MSRA: variants seen among roughly 807,000 people sequenced by gnomAD.
MSRA encodes the protein mitochondrial peptide methionine sulfoxide reductase.
Under a neutral mutation model 31.3 loss-of-function variants are expected in MSRA, and 54 were observed. The observed-to-expected ratio is 1.73, with a 90% CI of 1.39 to 2.17. MSRA has a LOEUF of 2.17. MSRA is among the 30% of genes most tolerant of loss of function. The probability of loss-of-function intolerance (pLI) is 0.00; values close to 1 mark genes in which losing one functional copy is unlikely to be tolerated. For missense variants in MSRA, 507 were observed against 300.9 expected, an observed-to-expected ratio of 1.69 and a Z score of -5.07; for synonymous variants, 169 against 116.5, an observed-to-expected ratio of 1.45 and a Z score of -2.90.
chr8:10,338,481 C>A (rs909388268), intron 5 of MSRA, among the ~76,000 whole-genome samples: 1 of 152,030 alleles, frequency 6.6e-6, no homozygotes, highest in African/African-American at 2.4e-5. Context: ...TAACTAAGAG[C>A]ACATTTAACA....
At chr8:10,384,662 T>A (rs1806275810) in intron 5 of MSRA, among the ~76,000 whole-genome samples, 1 of 152,174 alleles carries the variant, frequency 6.6e-6, no homozygotes. Context: ...CTGAGAACTG[T>A]TGCACTAGCG....
chr8:10,408,373 C>T (rs1807950693), intron 5 of MSRA, among the ~76,000 whole-genome samples: 2 of 152,020 alleles, frequency 1.3e-5, no homozygotes, highest in African/African-American at 4.8e-5. Flanking sequence ...CCTGTCTCTA[C>T]CAAAATTTTT....
Position 10,290,002 on chromosome 8 carries a change from C to T in MSRA, c.332-11532C>T, listed in dbSNP as rs185557681. Among the ~76,000 whole-genome samples, 8 of 152,342 alleles carry T rather than the reference C, an allele frequency of 5.3e-5. No homozygotes were observed. In the East Asian group the frequency reaches 1.5e-3, roughly 29 times the overall value. On this transcript the variant is annotated intron_variant, in intron 3 of 5. Transcript: ENST00000317173. ...TATGTCTGTTATTGCTCTTAACCAT[C>T]TTCTAAGATTGATAGGACAGATATT...
intron 1 of MSRA, among the ~76,000 whole-genome samples, chr8:10,146,747 C>G (rs897401284): frequency 5.3e-5 from 8 of 152,144 alleles, no homozygotes; most frequent in African/African-American, 1.4e-4. Flanking sequence ...TGAAATCACA[C>G]TTTCTGGGCG....
At chr8:10,148,015 C>T (rs982503084) in intron 1 of MSRA, among the ~76,000 whole-genome samples, 1 of 152,222 alleles carries the variant, frequency 6.6e-6, no homozygotes, top group Non-Finnish European at 1.5e-5. Flanking sequence ...CACTTGGCCA[C>T]AGTCCAAAGT....
At chr8:10,319,817 G>T in intron 4 of MSRA, 66 bp from the exon 5 acceptor site, 1 of 888,538 alleles carries the variant, frequency 1.1e-6, no homozygotes, top group Non-Finnish European at 1.6e-6. Context: ...TCAGCATTGT[G>T]CCCAGTTTGA....
At chr8:10,361,767 AAT>A (rs750940510) in intron 5 of MSRA, among the ~76,000 whole-genome samples, 31 of 152,338 alleles carry the variant, frequency 2.0e-4, no homozygotes, top group Non-Finnish European at 3.8e-4. Context: ...CTCTTAAGAA[AAT>A]CACTTAATAA....
intron 1 of MSRA, among the ~76,000 whole-genome samples, chr8:10,178,429 GA>G (rs1430422236): frequency 2.6e-5 from 4 of 151,514 alleles, no homozygotes; most frequent in Non-Finnish European, 4.4e-5. Flanking sequence ...GTCTCTACTT[GA>G]AAAAAAATTT....
chr8:10,084,432 T>G (rs566405840), intron 1 of MSRA, among the ~76,000 whole-genome samples: 1 of 152,264 alleles, frequency 6.6e-6, no homozygotes, highest in East Asian at 1.9e-4. Flanking sequence ...CTTCTTCTTT[T>G]AGTTCATCAA....
At chr8:10,139,886 T>C (rs796247869) in intron 1 of MSRA, among the ~76,000 whole-genome samples, 1 of 152,238 alleles carries the variant, frequency 6.6e-6, no homozygotes, top group Non-Finnish European at 1.5e-5. Flanking sequence ...CTCAGTGTTG[T>C]GTGTAAAGTG....
intron 2 of MSRA, 103 bp from the exon 3 acceptor site, chr8:10,245,001 G>A (rs1442101677): frequency 5.7e-6 from 6 of 1,055,632 alleles, no homozygotes; most frequent in South Asian, 4.7e-5. Context: ...AATGACAGGA[G>A]CAACTTTTTT....
intron 1 of MSRA, among the ~76,000 whole-genome samples, chr8:10,071,367 G>C (rs117689577): frequency 6.6e-6 from 1 of 151,954 alleles, no homozygotes; most frequent in Non-Finnish European, 1.5e-5. Context: ...ACTCTTCAGC[G>C]GAGTCTTTTA....
At chr8:10,127,246 G>C (rs1437529252) in intron 1 of MSRA, among the ~76,000 whole-genome samples, 1 of 152,108 alleles carries the variant, frequency 6.6e-6, no homozygotes, top group Non-Finnish European at 1.5e-5. Flanking sequence ...AAGCATGTGG[G>C]AGTTATTTGT....
chr8:10,313,176 C>G (rs940207778), intron 4 of MSRA, among the ~76,000 whole-genome samples: 2 of 152,186 alleles, frequency 1.3e-5, no homozygotes, highest in African/African-American at 2.4e-5. Flanking sequence ...GCTTCCAGAC[C>G]TGGCTCAGAA....
intron 5 of MSRA, among the ~76,000 whole-genome samples, chr8:10,323,251 T>C (rs1262979326): frequency 1.3e-5 from 2 of 152,192 alleles, no homozygotes; most frequent in African/African-American, 4.8e-5. Flanking sequence ...TTCAATTGTT[T>C]CATCCCACTG....
intron 1 of MSRA, among the ~76,000 whole-genome samples, chr8:10,099,579 G>A (rs995219866): frequency 4.6e-5 from 7 of 152,348 alleles, no homozygotes; most frequent in Middle Eastern, 3.4e-3. Flanking sequence ...AATAAACTGA[G>A]TGGCGAACCA....
intron 5 of MSRA, among the ~76,000 whole-genome samples, chr8:10,374,050 G>T (rs1805623477): frequency 6.6e-6 from 1 of 152,180 alleles, no homozygotes. Context: ...GCAAACTCAG[G>T]AAACACCAGT....
At chr8:10,365,469 A>G (rs1330439019) in intron 5 of MSRA, among the ~76,000 whole-genome samples, 6 of 152,244 alleles carry the variant, frequency 3.9e-5, no homozygotes, top group Non-Finnish European at 5.9e-5. Flanking sequence ...AAAATTGACA[A>G]TCAGCCAGAA....
chr8:10,227,468 C>G (rs760547734), intron 2 of MSRA, among the ~76,000 whole-genome samples: 5 of 152,150 alleles, frequency 3.3e-5, no homozygotes, highest in Non-Finnish European at 5.9e-5. Flanking sequence ...ATGAAGATTT[C>G]CAGGGCATTG....
Sources: allele counts gnomAD v4.1 joint callset (sites outside exome capture counted in the v4.1 genomes callset), GRCh38; gene constraint gnomAD v4.1.1; transcripts MANE v1.5; gene names NCBI Gene and HGNC (gene_info 2026-07-23, HGNC 2026-07-21).